Variants in STMP1 observed in about 807,000 individuals in gnomAD.
STMP1 encodes the protein mitolamban.
STMP1 carries 7 observed loss-of-function variants against 7.0 expected under a neutral mutation model. The ratio of observed to expected loss-of-function variants is 1.01; its 90% CI spans 0.57 to 1.89. The LOEUF (loss-of-function observed/expected upper bound fraction) is 1.89. Among genes scored for constraint, STMP1 ranks in the 40% most tolerant of loss-of-function variants. The pLI is 0.00. For synonymous variants in STMP1, 19 were observed against 18.4 expected, an observed-to-expected ratio of 1.03 and a Z score of -0.08; for missense variants, 45 against 53.0, an observed-to-expected ratio of 0.85 and a Z score of 0.47.
chr7:135,670,264 C>G (rs3924972), intron 1 of STMP1, among the ~76,000 whole-genome samples: 47,945 of 152,018 alleles, frequency 0.32, 7,967 homozygotes, highest in Middle Eastern at 0.5. Context: ...ATGCCACAGT[C>G]TTCTCTACAG....
At chr7:135,673,068 C>A in intron 2 of STMP1, 1 of 441,660 alleles carries the variant, frequency 2.3e-6, no homozygotes, top group Non-Finnish European at 4.0e-6. Flanking sequence ...GCTTGTTAGC[C>A]GAGAGTAATA....
intron 1 of STMP1, 85 bp from the exon 2 acceptor site, chr7:135,672,668 A>G: frequency 1.0e-6 from 1 of 980,822 alleles, no homozygotes; most frequent in East Asian, 2.6e-5. Flanking sequence ...CTTCTTAGGA[A>G]GATATTGTCT....
At chr7:135,672,285 A>G (rs1795363977) in intron 1 of STMP1, among the ~76,000 whole-genome samples, 1 of 152,168 alleles carries the variant, frequency 6.6e-6, no homozygotes, top group Non-Finnish European at 1.5e-5. Context: ...GCCTTGACTG[A>G]ATACTTTAAA....
At chr7:135,664,413 C>A (rs1225609811) in intron 1 of STMP1, among the ~76,000 whole-genome samples, 2 of 145,124 alleles carry the variant, frequency 1.4e-5, no homozygotes, top group Admixed American at 1.4e-4. Flanking sequence ...TCCAGTGGCA[C>A]AATCATGGCT....
chr7:135,675,764 A>G lies in STMP1; in HGVS notation c.*1599A>G, dbSNP rs1405970996. 1 of 152,120 alleles carries G rather than the reference A, an allele frequency of 6.6e-6. No homozygotes were observed. The highest frequency in any genetic ancestry group is 1.5e-5 in the Non-Finnish European group (1 of 68,020). The allele number at this position is 152,120 out of a possible 1,614,324, so 9.4% of individuals were successfully genotyped here. On this transcript the variant is annotated 3_prime_UTR_variant, in exon 3 of 3. Transcript: ENST00000507606. Reference sequence around the variant, plus strand: ...CTTTTTTCAGACAGTGATGACATTGATTCTGTATATGATAAAGTGATTCTG... The same window carrying G: ...CTTTTTTCAGACAGTGATGACATTGGTTCTGTATATGATAAAGTGATTCTG...
At position 135,662,593 on chromosome 7, in the gene STMP1, T is replaced by G. The variant is rs1268299694; in HGVS notation, c.14T>G (p.Leu5Arg). ...CCCACCGACATCATGCTCCAGTTCC[T>G]GGTGAGTGGAGCTGCCGAAGAGCGG... The part of the protein sequence containing the change: MLQF[L>R]LGFTLGNVVG... The change falls in exon 1 of 3, where the codon CTG becomes CGG. Residue 5 changes from leucine (L) to arginine (R), a missense_variant and splice_region_variant. Transcript: ENST00000507606. 1 of 1,547,808 alleles carries G rather than the reference T, an allele frequency of 6.5e-7. No homozygotes were observed.
chr7:135,668,184 A>G (rs906094521), intron 1 of STMP1, among the ~76,000 whole-genome samples: 1 of 152,200 alleles, frequency 6.6e-6, no homozygotes, highest in African/African-American at 2.4e-5. Context: ...ATCAATAGAA[A>G]CAATTCAGTC....
intron 1 of STMP1, among the ~76,000 whole-genome samples, chr7:135,667,058 G>A (rs1795302416): frequency 6.6e-6 from 1 of 152,184 alleles, no homozygotes; most frequent in South Asian, 2.1e-4. Context: ...TTTTGTTAAA[G>A]TAATTCTAGT....
At chr7:135,667,721 C>G (rs1795311867) in intron 1 of STMP1, among the ~76,000 whole-genome samples, 1 of 148,716 alleles carries the variant, frequency 6.7e-6, no homozygotes, top group Non-Finnish European at 1.5e-5. Flanking sequence ...GTTACTTGTA[C>G]TTTTGGTGTC....
chr7:135,665,402 T>C (rs1358028180), intron 1 of STMP1, among the ~76,000 whole-genome samples: 1 of 152,170 alleles, frequency 6.6e-6, no homozygotes, highest in Non-Finnish European at 1.5e-5. Context: ...TGAAGAGACC[T>C]TGTTCCTGTG....
intron 1 of STMP1, among the ~76,000 whole-genome samples, chr7:135,666,639 G>A (rs904777496): frequency 6.9e-6 from 1 of 144,864 alleles, no homozygotes; most frequent in African/African-American, 2.5e-5. Context: ...ACTGTGCCTG[G>A]CCTTACACTA....
At chr7:135,667,467 C>T (rs1217313198) in intron 1 of STMP1, among the ~76,000 whole-genome samples, 1 of 152,234 alleles carries the variant, frequency 6.6e-6, no homozygotes, top group Non-Finnish European at 1.5e-5. Flanking sequence ...CCAACCTTGG[C>T]CTCCCAAACT....
At chr7:135,662,651 T>A in intron 1 of STMP1, 57 bp downstream of exon 1, 1 of 1,533,838 alleles carries the variant, frequency 6.5e-7, no homozygotes, top group Non-Finnish European at 8.8e-7. Flanking sequence ...TCGGACCCCA[T>A]TTCCCCCTTG....
intron 1 of STMP1, among the ~76,000 whole-genome samples, chr7:135,667,209 T>C (rs186724265): frequency 1.1e-4 from 16 of 152,338 alleles, no homozygotes; most frequent in Non-Finnish European, 1.8e-4. Flanking sequence ...ATTTTTGTTT[T>C]ATTTTATTTA....
At chr7:135,663,934 G>T (rs1227747250) in intron 1 of STMP1, among the ~76,000 whole-genome samples, 1 of 152,222 alleles carries the variant, frequency 6.6e-6, no homozygotes, top group Non-Finnish European at 1.5e-5. Flanking sequence ...GTGAGCCTCC[G>T]CGCCCGGCCC....
chr7:135,666,213 G>A (rs1184401669), intron 1 of STMP1, among the ~76,000 whole-genome samples: 2 of 152,040 alleles, frequency 1.3e-5, no homozygotes. Flanking sequence ...GATTACAGGC[G>A]TGAGCTCCTG....
intron 1 of STMP1, among the ~76,000 whole-genome samples, chr7:135,664,607 G>C (rs1348091379): frequency 2.0e-5 from 3 of 152,042 alleles, no homozygotes; most frequent in African/African-American, 7.2e-5. Context: ...ACTGTGCCTG[G>C]TCAGATTCTG....
intron 1 of STMP1, among the ~76,000 whole-genome samples, chr7:135,663,285 A>C (rs1795255078): frequency 6.6e-6 from 1 of 152,214 alleles, no homozygotes; most frequent in African/African-American, 2.4e-5. Flanking sequence ...TTTTCAAGTG[A>C]AAGTTTTTCT....
intron 1 of STMP1, among the ~76,000 whole-genome samples, chr7:135,669,903 G>A (rs1301287905): frequency 6.6e-6 from 1 of 152,166 alleles, no homozygotes; most frequent in East Asian, 1.9e-4. Flanking sequence ...ATTGAGTTGG[G>A]TTTCAGAATT....
Sources: gnomAD v4.1 joint callset for allele counts (sites outside exome capture counted in the v4.1 genomes callset) on GRCh38, gnomAD v4.1.1 for gene constraint, MANE v1.5 for transcripts, NCBI Gene and HGNC (gene_info 2026-07-23, HGNC 2026-07-21) for gene names.